The following NR3C2 variants were observed in gnomAD, a reference collection of about 807,000 sequenced individuals.
NR3C2 encodes the protein nuclear receptor subfamily 3 group C member 2.
In NR3C2, 15 loss-of-function variants were observed where a neutral mutation model predicts 86.4. That is an observed-to-expected ratio of 0.17 (90% CI 0.12 to 0.27). NR3C2 has a LOEUF of 0.27. Ranked by LOEUF, NR3C2 falls within the 10% of genes least tolerant of loss-of-function variation. NR3C2 has a pLI of 1.00. For synonymous variants in NR3C2, 458 were observed against 450.5 expected, an observed-to-expected ratio of 1.02 and a Z score of -0.21; for missense variants, 960 against 1,195.6, an observed-to-expected ratio of 0.80 and a Z score of 2.91.
At chr4:148,299,027 C>A (rs1204505730) in intron 2 of NR3C2, among the ~76,000 whole-genome samples, 3 of 152,190 alleles carry the variant, frequency 2.0e-5, no homozygotes, top group African/African-American at 7.2e-5. Context: ...GCCTCTTCAG[C>A]TCATGCATGG....
chr4:148,152,668 A>C, intron 5 of NR3C2, 55 bp from the exon 6 acceptor site: 1 of 1,573,208 alleles, frequency 6.4e-7, no homozygotes, highest in Admixed American at 1.7e-5. Context: ...AGTACATTCC[A>C]GGAAGATGCT....
chr4:148,152,955 A>G (rs542893404), intron 5 of NR3C2, among the ~76,000 whole-genome samples: 1 of 152,302 alleles, frequency 6.6e-6, no homozygotes, highest in Non-Finnish European at 1.5e-5. Flanking sequence ...CCCACCCACA[A>G]TTAATAACAC....
At chr4:148,318,220 G>T (rs1421436207) in intron 2 of NR3C2, among the ~76,000 whole-genome samples, 1 of 150,480 alleles carries the variant, frequency 6.6e-6, no homozygotes, top group Non-Finnish European at 1.5e-5. Context: ...ATTTTTTATG[G>T]CTGCATAGTA....
chr4:148,221,438 G>C (rs973453624), intron 3 of NR3C2, among the ~76,000 whole-genome samples: 1 of 152,076 alleles, frequency 6.6e-6, no homozygotes, highest in Non-Finnish European at 1.5e-5. Flanking sequence ...ATGAAAACTG[G>C]TGGTAAAAAA....
intron 6 of NR3C2, among the ~76,000 whole-genome samples, chr4:148,140,076 C>A (rs1218884215): frequency 1.3e-5 from 2 of 152,204 alleles, no homozygotes; most frequent in South Asian, 2.1e-4. Context: ...GGTCTTGTGG[C>A]CTGTGTCAAG....
chr4:148,228,232 G>A (rs1016270052), intron 3 of NR3C2, among the ~76,000 whole-genome samples: 2 of 151,672 alleles, frequency 1.3e-5, no homozygotes, highest in Admixed American at 1.3e-4. Flanking sequence ...GCAGATATAC[G>A]TGTATTATAT....
In NR3C2 at chr4:148,369,290, TAGAA is replaced by T. The variant is rs528777051; in HGVS notation, c.1757+65810_1757+65813del. Among the ~76,000 whole-genome samples the T allele has an allele frequency of 1.2e-4, 18 of 152,334 alleles. No individual in the cohort carries two copies. The South Asian group carries it at 3.1e-3, about 26-fold the overall frequency. On this transcript the variant is annotated intron_variant, in intron 2 of 8. Transcript: ENST00000358102. ...CAAATTGACAAAATGAAGATCTCTT[TAGAA>T]AGTTTGTTTCTTAAAGTACCCATAA...
intron 2 of NR3C2, among the ~76,000 whole-genome samples, chr4:148,420,238 C>T (rs1411664007): frequency 1.3e-5 from 2 of 152,164 alleles, no homozygotes. Context: ...AAGTAAAGCC[C>T]TAGTAGATGC....
intron 2 of NR3C2, among the ~76,000 whole-genome samples, chr4:148,283,422 C>T (rs1409064594): frequency 6.6e-6 from 1 of 152,152 alleles, no homozygotes; most frequent in Non-Finnish European, 1.5e-5. Context: ...TCATAAAGAA[C>T]CTATTGATAA....
chr4:148,321,068 G>C (rs1440914318), intron 2 of NR3C2, among the ~76,000 whole-genome samples: 2 of 151,264 alleles, frequency 1.3e-5, no homozygotes, highest in South Asian at 4.3e-4. Context: ...AGAGATTCTG[G>C]TATGTTGTGT....
intron 2 of NR3C2, among the ~76,000 whole-genome samples, chr4:148,369,048 G>GC (rs1428827584): frequency 1.3e-5 from 2 of 152,168 alleles, no homozygotes; most frequent in Non-Finnish European, 2.9e-5. Flanking sequence ...ACTACATTCT[G>GC]TAAAAAATAG....
At chr4:148,303,919 G>A (rs376733059) in intron 2 of NR3C2, among the ~76,000 whole-genome samples, 2 of 152,322 alleles carry the variant, frequency 1.3e-5, no homozygotes, top group South Asian at 4.1e-4. Flanking sequence ...TGGGTTAAAG[G>A]CGCGTTGACC....
At chr4:148,357,100 C>A (rs943411058) in intron 2 of NR3C2, among the ~76,000 whole-genome samples, 3 of 152,074 alleles carry the variant, frequency 2.0e-5, no homozygotes, top group African/African-American at 7.2e-5. Flanking sequence ...CTCTAAAAAC[C>A]TATAATCCCA....
chr4:148,121,084 G>A (rs1035058862), intron 6 of NR3C2, among the ~76,000 whole-genome samples: 19 of 152,134 alleles, frequency 1.2e-4, no homozygotes, highest in African/African-American at 4.1e-4. Context: ...TAAGGCCCTG[G>A]ATAACTACTG....
chr4:148,323,408 C>G (rs1184873828), intron 2 of NR3C2, among the ~76,000 whole-genome samples: 1 of 147,256 alleles, frequency 6.8e-6, no homozygotes, highest in Non-Finnish European at 1.5e-5. Flanking sequence ...GGGCTCCACC[C>G]AGTTCGAGCT....
intron 2 of NR3C2, among the ~76,000 whole-genome samples, chr4:148,362,022 G>C (rs1745863314): frequency 6.6e-6 from 1 of 151,762 alleles, no homozygotes; most frequent in Non-Finnish European, 1.5e-5. Context: ...ATTTTTAGTA[G>C]ACATGGGGGT....
intron 3 of NR3C2, among the ~76,000 whole-genome samples, chr4:148,257,036 T>C (rs1739866729): frequency 6.6e-6 from 1 of 152,126 alleles, no homozygotes; most frequent in East Asian, 1.9e-4. Context: ...CTCAGGCTGG[T>C]GTGTTTTTCC....
At chr4:148,171,366 T>C (rs1735115840) in intron 4 of NR3C2, among the ~76,000 whole-genome samples, 1 of 152,200 alleles carries the variant, frequency 6.6e-6, no homozygotes, top group Non-Finnish European at 1.5e-5. Context: ...AGCTTCACAC[T>C]CCCCAGTTAT....
At chr4:148,235,298 T>C (rs893801445) in intron 3 of NR3C2, among the ~76,000 whole-genome samples, 79 of 143,300 alleles carry the variant, frequency 5.5e-4, no homozygotes, top group African/African-American at 1.8e-3. Flanking sequence ...GATTCCTATC[T>C]CTTACAGATA....
Sources: gnomAD v4.1 joint callset for allele counts (sites outside exome capture counted in the v4.1 genomes callset) on GRCh38, gnomAD v4.1.1 for gene constraint, MANE v1.5 for transcripts, NCBI Gene and HGNC (gene_info 2026-07-23, HGNC 2026-07-21) for gene names.